Variants in NFRKB observed in about 807,000 individuals in gnomAD.
The protein encoded by NFRKB is nuclear factor related to kappaB binding protein.
Under a neutral mutation model 135.7 loss-of-function variants are expected in NFRKB, and 62 were observed. That is an observed-to-expected ratio of 0.46 (90% CI 0.37 to 0.56). The LOEUF (loss-of-function observed/expected upper bound fraction) is 0.56, where lower values mean the gene tolerates loss of function less well. Ranked by LOEUF, NFRKB falls within the 20% of genes least tolerant of loss-of-function variation. The probability of loss-of-function intolerance (pLI) is 0.00; values close to 1 mark genes in which losing one functional copy is unlikely to be tolerated. For missense variants in NFRKB, 1,545 were observed against 1,662.0 expected, an observed-to-expected ratio of 0.93 and a Z score of 1.22; for synonymous variants, 678 against 635.6, an observed-to-expected ratio of 1.07 and a Z score of -1.00.
At chr11:129,888,515 G>C (rs768211683) in intron 4 of NFRKB, 79 bp downstream of exon 4, 10 of 1,338,012 alleles carry the variant, frequency 7.5e-6, no homozygotes, top group Non-Finnish European at 9.7e-6. Flanking sequence ...AAGAAGAAAA[G>C]GAAGAAAGGA....
rs1453911318 is a variant in NFRKB, at chr11:129,870,137, T to C, written c.2888A>G (p.Asp963Gly). 6.2e-7 allele frequency: 1 copy of C among 1,614,222 alleles called. No homozygotes were observed. The highest frequency in any genetic ancestry group is 1.7e-5 in the Admixed American group (1 of 60,024). Residue 963 changes from aspartate (D) to glycine (G), a missense_variant, in exon 24 of 27, where the codon GAT becomes GGT. This residue lies in a region of NFRKB where 753 missense variants were observed against 804.3 expected (regional missense o/e 0.94). Coordinates refer to ENST00000682444, the MANE Select transcript of NFRKB (RefSeq NM_001143835.2). ...LRLPPSSITTDAKGQTVLRIT... is the reference protein window; with the variant it reads ...LRLPPSSITTGAKGQTVLRIT... Reference sequence around the variant, plus strand: ...TCGCAGAACCGTCTGGCCCTTGGCATCTGTGGTGATGGAAGAGGGCGGCAG... The same window carrying C: ...TCGCAGAACCGTCTGGCCCTTGGCACCTGTGGTGATGGAAGAGGGCGGCAG...
chr11:129,883,567 C>T (rs1949129843), intron 8 of NFRKB, among the ~76,000 whole-genome samples: 1 of 152,182 alleles, frequency 6.6e-6, no homozygotes, highest in Non-Finnish European at 1.5e-5. Flanking sequence ...AGAGAGAACT[C>T]AGTACTGACT....
intron 11 of NFRKB, 67 bp from the exon 12 acceptor site, chr11:129,881,920 C>T (rs1949046436): frequency 6.5e-7 from 1 of 1,541,640 alleles, no homozygotes; most frequent in African/African-American, 1.4e-5. Flanking sequence ...ACACAAGTGC[C>T]ACCACAACCT....
Position 129,873,180 on chromosome 11 carries a change from C to T in NFRKB, c.2551-84G>A, listed in dbSNP as rs111642801. Reference sequence around the variant, plus strand: ...TAAGCAAGAGTCTCCCTCAGCACCCCGGAAGCATTGCTCTCAAAGAGCTTC... The same window carrying T: ...TAAGCAAGAGTCTCCCTCAGCACCCTGGAAGCATTGCTCTCAAAGAGCTTC... On this transcript the variant is annotated intron_variant, in intron 22 of 26. Transcript: ENST00000682444. 3.5e-5 allele frequency: 43 copies of T among 1,217,922 alleles called. No homozygotes were observed. The African/African-American group carries it at 4.4e-4, about 13-fold the overall frequency. The allele number at this position is 1,217,922 out of a possible 1,614,324, so 75.4% of individuals were successfully genotyped here.
chr11:129,876,656 A>T, intron 17 of NFRKB, 65 bp downstream of exon 17: 1 of 1,556,098 alleles, frequency 6.4e-7, no homozygotes, highest in Non-Finnish European at 8.7e-7. Context: ...CAGAGTTCAG[A>T]GTTGGTAAGA....
intron 9 of NFRKB, 125 bp from the exon 10 acceptor site, chr11:129,882,756 C>T: frequency 1.1e-6 from 1 of 952,194 alleles, no homozygotes; most frequent in Non-Finnish European, 1.6e-6. Context: ...ATAAAACACT[C>T]AATGAAACCA....
rs1182069717 is a variant in NFRKB, at chr11:129,863,704, C to T, written c.*1021G>A. The stretch of plus-strand genomic sequence containing the variant: ...ACTTTAGGCTTCAGGGCCATCCAGT[C>T]TCTATGTCAACTACTCAATTCTGCC... On this transcript the variant is annotated 3_prime_UTR_variant, in exon 27 of 27. Coordinates refer to ENST00000682444, the MANE Select transcript of NFRKB (RefSeq NM_001143835.2). 1 of 152,594 alleles carries T rather than the reference C, an allele frequency of 6.6e-6. No homozygotes were observed. The highest frequency in any genetic ancestry group is 1.5e-5 in the Non-Finnish European group (1 of 68,300). The allele number at this position is 152,594 out of a possible 1,614,324, so 9.5% of individuals were successfully genotyped here.
At position 129,884,089 on chromosome 11, in the gene NFRKB, T is replaced by C; in HGVS notation, c.797A>G (p.Glu266Gly). Reference sequence around the variant, plus strand: ...TCTTACTGGCTGATGTTTCCGCTTCTCGTGGTGCTTCTTTAACATTATCTT... The same window carrying C: ...TCTTACTGGCTGATGTTTCCGCTTCCCGTGGTGCTTCTTTAACATTATCTT... ...DLKIMLKKHH[E>G]KRKHQPDHPD... The change falls in exon 8 of 27, where the codon GAG becomes GGG. Residue 266 changes from glutamate to glycine, a missense_variant. Around this residue, in one of 3 missense-constraint regions of NFRKB, gnomAD observed 678 missense variants for 646.7 expected, o/e 1.05. Transcript: ENST00000682444. 2 of 1,614,220 alleles carry C rather than the reference T, an allele frequency of 1.2e-6. No individual in the cohort carries two copies. Among genetic ancestry groups the C allele is most frequent in the Non-Finnish European group, 1.7e-6 (2 of 1,180,040 alleles).
rs559022552 is a variant in NFRKB, at chr11:129,869,909, G to C, written c.3116C>G (p.Thr1039Ser). The C allele has an allele frequency of 6.0e-5, 97 of 1,614,264 alleles. No individual in the cohort carries two copies. The East Asian group carries it at 2.0e-3, about 33-fold the overall frequency. The change falls in exon 24 of 27, where the codon ACC (threonine) becomes AGC (serine). Residue 1039 changes from threonine (T) to serine (S), a missense_variant. Thr to Ser is a moderately conservative substitution (Grantham distance 58). This residue lies in a region of NFRKB where 753 missense variants were observed against 804.3 expected (regional missense o/e 0.94). Coordinates refer to ENST00000682444, the MANE Select transcript of NFRKB (RefSeq NM_001143835.2). ...ASAPSSTPTG[T>S]TVVKVTPDLK... Reference sequence around the variant, plus strand: ...GTCAGGAGTCACTTTGACCACAGTGGTACCTGTTGGAGTGGATGAAGGGGC... The same window carrying C: ...GTCAGGAGTCACTTTGACCACAGTGCTACCTGTTGGAGTGGATGAAGGGGC...
chr11:129,873,266 G>C (rs78984833), intron 22 of NFRKB, among the ~76,000 whole-genome samples, 170 bp from the exon 23 acceptor site: 4,311 of 152,290 alleles, frequency 0.028, 191 homozygotes, highest in African/African-American at 0.099. Context: ...TGTCTCATTT[G>C]TGTATATCTT....
intron 16 of NFRKB, 101 bp downstream of exon 16, chr11:129,877,224 T>G: frequency 1.7e-6 from 2 of 1,189,966 alleles, no homozygotes; most frequent in Admixed American, 1.7e-5. Context: ...GGGAAAGGTA[T>G]GAGTTTCTTG....
At position 129,874,731 on chromosome 11, in the gene NFRKB, T is replaced by G; in HGVS notation, c.1978+62A>C. The G allele has an allele frequency of 6.2e-7, 1 of 1,612,918 alleles. No individual in the cohort carries two copies. Among genetic ancestry groups the G allele is most frequent in the Non-Finnish European group, 8.5e-7 (1 of 1,178,996 alleles). ...ATGCCAATGAAAAGAATAATGGAAT[T>G]GGGGTAGAAAGTCAGAACGTATCCC... On this transcript the variant is annotated intron_variant, in intron 19 of 26. Coordinates refer to ENST00000682444, the MANE Select transcript of NFRKB (RefSeq NM_001143835.2). This position sits in a 1 kb window ranked among gnomAD's most constrained non-coding sequence, Gnocchi z 4.5.
chr11:129,893,997 T>A lies in NFRKB; in HGVS notation c.-22+362A>T, dbSNP rs1949670998. ...AACCACCAGTAAAGTCAATGGCCAA[T>A]CTGCCTTTAGTTGGTCCATTTGATC... On this transcript the variant is annotated intron_variant, in intron 2 of 26. Transcript: ENST00000682444. 2.6e-5 allele frequency: 4 copies of A among 152,248 alleles called. No individual in the cohort carries two copies. In the South Asian group the frequency reaches 8.3e-4, roughly 32 times the overall value. The allele number at this position is 152,248 out of a possible 1,614,324, so 9.4% of individuals were successfully genotyped here.
At chr11:129,880,740 T>A (rs1948988756) in intron 13 of NFRKB, among the ~76,000 whole-genome samples, 1 of 152,202 alleles carries the variant, frequency 6.6e-6, no homozygotes. Context: ...AGGAGCACAC[T>A]GTCTCAGAAG....
Position 129,888,594 on chromosome 11 carries a change from C to G in NFRKB, c.337G>C (p.Asp113His). Residue 113 changes from aspartate to histidine, a missense_variant and splice_region_variant, in exon 4 of 27, where the codon GAC (aspartate) becomes CAC (histidine). Transcript: ENST00000682444. ...PLHIAQKLFR[D>H]GHFNPEVVKY... ...AAAGAAAGAATACTGAGCTACAAAC[C>G]TCGGAAAAGCTTCTGGGCAATGTGC... The G allele has an allele frequency of 1.2e-6, 2 of 1,614,128 alleles. No homozygotes were observed. Among genetic ancestry groups the G allele is most frequent in the Non-Finnish European group, 1.7e-6 (2 of 1,180,006 alleles).
intron 25 of NFRKB, among the ~76,000 whole-genome samples, chr11:129,865,390 C>T (rs2135629955): frequency 6.6e-6 from 1 of 152,342 alleles, no homozygotes; most frequent in South Asian, 2.1e-4. Flanking sequence ...GAGGTGTGCA[C>T]TTCTGCAAGA....
At chr11:129,868,429 G>A (rs115587635) in intron 24 of NFRKB, among the ~76,000 whole-genome samples, 106 of 152,304 alleles carry the variant, frequency 7.0e-4, no homozygotes, top group African/African-American at 2.4e-3. Context: ...TTAAAAAGAC[G>A]TGGTATCAGC....
In NFRKB at chr11:129,881,859, G is replaced by A. The variant is rs752514871; in HGVS notation, c.1192-6C>T. The A allele has an allele frequency of 3.5e-5, 56 of 1,592,624 alleles. No homozygotes were observed. Among genetic ancestry groups the A allele is most frequent in the South Asian group, 9.2e-5 (8 of 87,106 alleles). ...TCCAAAACTCGCTCCTCTAGCTGAG[G>A]GAAAGCAAAGGCAGAACCCAGTCAG... On this transcript the variant is annotated splice_polypyrimidine_tract_variant and splice_region_variant and intron_variant, in intron 11 of 26. Coordinates refer to ENST00000682444, the MANE Select transcript of NFRKB (RefSeq NM_001143835.2).
intron 22 of NFRKB, among the ~76,000 whole-genome samples, 155 bp from the exon 23 acceptor site, chr11:129,873,251 G>A (rs1417190301): frequency 6.6e-6 from 1 of 152,222 alleles, no homozygotes; most frequent in African/African-American, 2.4e-5. Flanking sequence ...AATGGACACT[G>A]TAAATGTCTC....
Sources: allele counts gnomAD v4.1 joint callset (sites outside exome capture counted in the v4.1 genomes callset), GRCh38; gene constraint gnomAD v4.1.1; regional missense constraint gnomAD v4.1.1; non-coding constraint Gnocchi (gnomAD v3.1); transcripts MANE v1.5; gene names NCBI Gene and HGNC (gene_info 2026-07-23, HGNC 2026-07-21).